Variants in KSR2 observed in about 807,000 individuals in gnomAD.
The protein encoded by KSR2 is kinase suppressor of ras 2.
Under a neutral mutation model 107.8 loss-of-function variants are expected in KSR2, and 25 were observed. That is an observed-to-expected ratio of 0.23 (90% CI 0.17 to 0.32). KSR2 has a LOEUF of 0.32. Among genes scored for constraint, KSR2 ranks in the 10% least tolerant of loss-of-function variants. The probability of loss-of-function intolerance (pLI) is 1.00; values close to 1 mark genes in which losing one functional copy is unlikely to be tolerated. For missense variants in KSR2, 887 were observed against 1,268.9 expected (o/e 0.70, Z 4.57); for synonymous variants, 480 against 507.0 (o/e 0.95, Z 0.71).
chr12:117,712,822 T>C (rs1020261343), intron 4 of KSR2, among the ~76,000 whole-genome samples: 1 of 152,106 alleles, frequency 6.6e-6, no homozygotes, highest in African/African-American at 2.4e-5. Context: ...TATATCTAGA[T>C]AGATAGCTAC....
intron 7 of KSR2, among the ~76,000 whole-genome samples, chr12:117,559,424 A>T (rs1038972709): frequency 1.3e-5 from 2 of 152,146 alleles, no homozygotes; most frequent in African/African-American, 4.8e-5. Context: ...TTGAAGATTC[A>T]TTTTATACTA....
intron 5 of KSR2, among the ~76,000 whole-genome samples, chr12:117,604,616 C>T (rs1024408893): frequency 6.6e-6 from 1 of 152,112 alleles, no homozygotes; most frequent in Admixed American, 6.6e-5. Context: ...AAAGGGGGAT[C>T]CTCTCCATCT....
At chr12:117,830,608 C>T (rs1019395332) in intron 3 of KSR2, among the ~76,000 whole-genome samples, 2 of 152,136 alleles carry the variant, frequency 1.3e-5, no homozygotes, top group Non-Finnish European at 2.9e-5. Flanking sequence ...ATACCATCTC[C>T]TAAGAAAGCC....
chr12:117,755,043 G>C (rs1284606492), intron 4 of KSR2, among the ~76,000 whole-genome samples: 1 of 152,160 alleles, frequency 6.6e-6, no homozygotes, highest in Non-Finnish European at 1.5e-5. Context: ...GAAGAAACCA[G>C]ACATGAAAGA....
At chr12:117,860,966 G>A (rs138980424) in intron 1 of KSR2, among the ~76,000 whole-genome samples, 2,369 of 152,164 alleles carry the variant, frequency 0.016, 55 homozygotes, top group African/African-American at 0.055. Context: ...TGATCCACCC[G>A]CCTCGGCCTC....
At chr12:117,946,310 G>A (rs976968287) in intron 1 of KSR2, among the ~76,000 whole-genome samples, 2 of 151,760 alleles carry the variant, frequency 1.3e-5, no homozygotes, top group African/African-American at 4.8e-5. Flanking sequence ...TTGAAAAGAT[G>A]AATTAAAATT....
At chr12:117,904,904 G>A (rs939277318) in intron 1 of KSR2, among the ~76,000 whole-genome samples, 7 of 152,128 alleles carry the variant, frequency 4.6e-5, no homozygotes, top group Admixed American at 6.6e-5. Context: ...TATTCTGGCC[G>A]GGCACGGTGG....
chr12:117,835,953 C>A (rs1315669574), intron 3 of KSR2, among the ~76,000 whole-genome samples: 1 of 152,004 alleles, frequency 6.6e-6, no homozygotes. Context: ...TACCCTACAG[C>A]CTCCAGACAG....
rs561380293 is a variant in KSR2, at chr12:117,968,608, G to A, written c.-353C>T. On this transcript the variant is annotated 5_prime_UTR_variant, in exon 1 of 20. Transcript: ENST00000339824. ...GGAGGAGGAGGAGGAAAAAGAAGAG[G>A]AGAAGGAGGAGAGAGAGGAGGAGGG... is the stretch of plus-strand genomic sequence containing the variant. 98 of 423,100 alleles carry A rather than the reference G, an allele frequency of 2.3e-4. No individual in the cohort carries two copies. Among genetic ancestry groups the A allele is most frequent in the Admixed American group, 3.8e-4 (7 of 18,290 alleles). 26.2% of individuals were successfully genotyped at this position (423,100 alleles called of 1,614,324 possible).
intron 7 of KSR2, among the ~76,000 whole-genome samples, chr12:117,578,016 C>T (rs964503944): frequency 4.6e-5 from 7 of 152,176 alleles, no homozygotes; most frequent in African/African-American, 1.7e-4. Flanking sequence ...CAGTTTTCTT[C>T]TTCCTCCCTA....
At chr12:117,625,563 G>A (rs879152034) in intron 5 of KSR2, among the ~76,000 whole-genome samples, 2 of 152,144 alleles carry the variant, frequency 1.3e-5, no homozygotes, top group Admixed American at 1.3e-4. Context: ...CGACTTAATC[G>A]TGGTGGACAA....
At chr12:117,681,570 G>T (rs1051770413) in intron 4 of KSR2, among the ~76,000 whole-genome samples, 1 of 152,208 alleles carries the variant, frequency 6.6e-6, no homozygotes, top group Admixed American at 6.5e-5. Flanking sequence ...ATCACTGCAG[G>T]TCCTTGTTAG....
At chr12:117,479,755 A>G (rs750992544) in intron 16 of KSR2, among the ~76,000 whole-genome samples, 47 of 152,220 alleles carry the variant, frequency 3.1e-4, no homozygotes, top group Admixed American at 3.1e-3. Context: ...GCTAGAAACT[A>G]CTACTCAAAC....
At chr12:117,586,813 A>G (rs908460450) in intron 5 of KSR2, among the ~76,000 whole-genome samples, 6 of 152,136 alleles carry the variant, frequency 3.9e-5, no homozygotes, top group Non-Finnish European at 2.9e-5. Context: ...CCATTTCAAC[A>G]AGGAAATTAA....
chr12:117,684,089 C>G (rs1204460026), intron 4 of KSR2, among the ~76,000 whole-genome samples: 1 of 152,192 alleles, frequency 6.6e-6, no homozygotes, highest in Non-Finnish European at 1.5e-5. Context: ...CTAAGAGTAG[C>G]CCCTGAATCC....
At chr12:117,822,916 A>T (rs558518023) in intron 3 of KSR2, among the ~76,000 whole-genome samples, 4 of 152,216 alleles carry the variant, frequency 2.6e-5, no homozygotes, top group Non-Finnish European at 4.4e-5. Context: ...TACTACCAAG[A>T]AAAAGAAAAG....
At chr12:117,916,428 C>G (rs1286148681) in intron 1 of KSR2, among the ~76,000 whole-genome samples, 1 of 152,194 alleles carries the variant, frequency 6.6e-6, no homozygotes, top group Non-Finnish European at 1.5e-5. Context: ...TGAGCCACCC[C>G]ACCCAGCCAA....
intron 5 of KSR2, among the ~76,000 whole-genome samples, chr12:117,586,479 C>A (rs1343455112): frequency 7.3e-5 from 11 of 150,346 alleles, no homozygotes; most frequent in African/African-American, 2.7e-4. Flanking sequence ...CCCAGCTACT[C>A]GGGATGCTGA....
At chr12:117,717,712 T>TGTGTGTGTGTGTGCGCGCGCGC (rs1209120329) in intron 4 of KSR2, among the ~76,000 whole-genome samples, 1 of 137,060 alleles carries the variant, frequency 7.3e-6, no homozygotes, top group African/African-American at 2.6e-5. Context: ...TGTGTGTGTG[T>TGTGTGTGTGTGTGCGCGCGCGC]GCATGCGCGC....
Sources: gnomAD v4.1 joint callset for allele counts (sites outside exome capture counted in the v4.1 genomes callset) on GRCh38, gnomAD v4.1.1 for gene constraint, MANE v1.5 for transcripts, NCBI Gene and HGNC (gene_info 2026-07-23, HGNC 2026-07-21) for gene names.